PIP5K1C: variants seen among roughly 807,000 people sequenced by gnomAD.
PIP5K1C encodes the protein phosphatidylinositol-4-phosphate 5-kinase type 1 gamma.
In PIP5K1C, 45 loss-of-function variants were observed where a neutral mutation model predicts 80.1. The observed-to-expected ratio is 0.56, with a 90% CI of 0.44 to 0.72. The LOEUF (loss-of-function observed/expected upper bound fraction) is 0.72, where lower values mean the gene tolerates loss of function less well. Ranked by LOEUF, PIP5K1C falls within the 30% of genes least tolerant of loss-of-function variation. PIP5K1C has a pLI of 0.00. For synonymous variants in PIP5K1C, 498 were observed against 420.1 expected (o/e 1.19, Z -2.27); for missense variants, 753 against 954.6 (o/e 0.79, Z 2.78).
intron 8 of PIP5K1C, among the ~76,000 whole-genome samples, chr19:3,650,703 G>A: frequency 6.6e-6 from 1 of 152,226 alleles, no homozygotes; most frequent in Non-Finnish European, 1.5e-5. Flanking sequence ...ATGACTGCAG[G>A]CCACTGAGAT....
intron 1 of PIP5K1C, among the ~76,000 whole-genome samples, chr19:3,682,271 G>A (rs968959114): frequency 6.6e-6 from 1 of 151,854 alleles, no homozygotes; most frequent in Non-Finnish European, 1.5e-5. Context: ...CTACTCAGGA[G>A]GCTGAGGCAG....
chr19:3,647,450 C>T lies in PIP5K1C; in HGVS notation c.1212-64G>A, dbSNP rs1014045868. The T allele has an allele frequency of 2.2e-6, 3 of 1,368,108 alleles. No homozygotes were observed. In the Admixed American group the frequency reaches 5.9e-5, roughly 27 times the overall value. The allele number at this position is 1,368,108 out of a possible 1,614,324, so 84.7% of individuals were successfully genotyped here. A position where few individuals can be genotyped will look rare whatever the true frequency, so the allele number is the denominator to read the frequency against. On this transcript the variant is annotated intron_variant, in intron 9 of 17. Coordinates refer to ENST00000335312, the MANE Select transcript of PIP5K1C (RefSeq NM_012398.3). ...CAAGCCCATGCCAGGCCACCTCACTCAGGGGCCACTGTGCACCCCCCAGGA... is the reference window on the plus strand; with the variant it reads ...CAAGCCCATGCCAGGCCACCTCACTTAGGGGCCACTGTGCACCCCCCAGGA...
At chr19:3,659,399 A>G (rs2145477437) in intron 5 of PIP5K1C, among the ~76,000 whole-genome samples, 1 of 152,354 alleles carries the variant, frequency 6.6e-6, no homozygotes, top group East Asian at 1.9e-4. Flanking sequence ...AAGGCCCTGG[A>G]ATGCGATCTT....
rs907436544 is a variant in PIP5K1C at position 3,630,427 on chromosome 19, G to A, written c.*2740C>T. On this transcript the variant is annotated 3_prime_UTR_variant, in exon 18 of 18. Transcript: ENST00000335312. Reference sequence around the variant, plus strand: ...CCTGGGGGGAGTTAAGACACACGAGGTTTGCAGTTTCATTTTGTTTCAGAA... The same window carrying A: ...CCTGGGGGGAGTTAAGACACACGAGATTTGCAGTTTCATTTTGTTTCAGAA... 6.6e-6 allele frequency: 1 copy of A among 152,554 alleles called. No individual in the cohort carries two copies. The highest frequency in any genetic ancestry group is 6.5e-5 in the Admixed American group (1 of 15,268). 9.5% of individuals were successfully genotyped at this position (152,554 alleles called of 1,614,324 possible).
In PIP5K1C at chr19:3,664,805, A is replaced by G; in HGVS notation, c.219+17T>C. 6.3e-7 allele frequency: 1 copy of G among 1,599,378 alleles called. No homozygotes were observed. The highest frequency in any genetic ancestry group is 8.6e-7 in the Non-Finnish European group (1 of 1,167,506). ...TCTGTCCCGCTCCCTCCAGCCAGCT[A>G]AGGGGAGCCGAGGAACCTTCTTGTA... On this transcript the variant is annotated intron_variant, in intron 3 of 17. Transcript: ENST00000335312.
Position 3,637,092 on chromosome 19 carries a change from C to G in PIP5K1C, c.1920+1792G>C. 1 of 1,281,778 alleles carries G rather than the reference C, an allele frequency of 7.8e-7. No homozygotes were observed. Among genetic ancestry groups the G allele is most frequent in the African/African-American group, 1.5e-5 (1 of 65,300 alleles). 79.4% of individuals were successfully genotyped at this position (1,281,778 alleles called of 1,614,324 possible). On this transcript the variant is annotated intron_variant, in intron 16 of 17. Transcript: ENST00000335312. The surrounding 1 kb of genome is among the most constrained non-coding windows in gnomAD (Gnocchi z 7.0). ...CTCCATGGCCCTGCGGTTCAGAGCC[C>G]GGCCCTGCAGCCACTCTGCTGACCT...
In PIP5K1C at chr19:3,642,422, CCT is replaced by C. The variant is rs542839486; in HGVS notation, c.1682+483_1682+484del. 7.4e-4 allele frequency among the ~76,000 whole-genome samples: 112 copies of C among 152,322 alleles called. 1 individual carries two copies. The highest frequency in any genetic ancestry group is 3.4e-3 in the Middle Eastern group (1 of 294). On this transcript the variant is annotated intron_variant, in intron 14 of 17. Coordinates refer to ENST00000335312, the MANE Select transcript of PIP5K1C (RefSeq NM_012398.3). ...GTGACAGGAACGGCGCGCACCCACC[CCT>C]GAGATCCCCGTCAGTCGAGTGACAA...
intron 15 of PIP5K1C, among the ~76,000 whole-genome samples, chr19:3,639,513 C>A (rs2033870446): frequency 6.6e-6 from 1 of 152,330 alleles, no homozygotes. Flanking sequence ...CTCACTACAG[C>A]CTCCACCGCC....
intron 16 of PIP5K1C, chr19:3,636,615 T>G: frequency 5.1e-6 from 5 of 985,616 alleles, no homozygotes; most frequent in Non-Finnish European, 6.0e-6. Flanking sequence ...GGGCACGGCT[T>G]CGCGGTGGCT....
In PIP5K1C at chr19:3,700,397, G is replaced by C; in HGVS notation, c.-7C>G. The C allele has an allele frequency of 3.6e-6, 4 of 1,125,142 alleles. No homozygotes were observed. Among genetic ancestry groups the C allele is most frequent in the Non-Finnish European group, 4.4e-6 (4 of 916,838 alleles). The allele number at this position is 1,125,142 out of a possible 1,614,324, so 69.7% of individuals were successfully genotyped here. A position where few individuals can be genotyped will look rare whatever the true frequency, so the allele number is the denominator to read the frequency against. On this transcript the variant is annotated 5_prime_UTR_variant, in exon 1 of 18. Coordinates refer to ENST00000335312, the MANE Select transcript of PIP5K1C (RefSeq NM_012398.3). The stretch of plus-strand genomic sequence containing the variant: ...CCGGTACCTCCAGCTCCATGGCCGC[G>C]CGCGGACGGCGGCGGGGGCGCCCGA...
chr19:3,700,447 C>A lies in PIP5K1C; in HGVS notation c.-57G>T. ...AGGGGGACCCGAGCTGCGACCGCCG[C>A]CGCCGAACAACAAGCGCCGCCGGCC... On this transcript the variant is annotated 5_prime_UTR_variant, in exon 1 of 18. Coordinates refer to ENST00000335312, the MANE Select transcript of PIP5K1C (RefSeq NM_012398.3). 1.0e-6 allele frequency: 1 copy of A among 954,886 alleles called. No homozygotes were observed. The highest frequency in any genetic ancestry group is 1.3e-6 in the Non-Finnish European group (1 of 792,968). 59.2% of individuals were successfully genotyped at this position (954,886 alleles called of 1,614,324 possible).
Position 3,653,408 on chromosome 19 carries a change from T to C in PIP5K1C, c.803A>G (p.Lys268Arg), listed in dbSNP as rs1193506010. The change falls in exon 7 of 18, where the codon AAG becomes AGG. Residue 268 changes from lysine to arginine, a missense_variant. Coordinates refer to ENST00000335312, the MANE Select transcript of PIP5K1C (RefSeq NM_012398.3). ...CTTGTAGGTGGGGAAGCTCTTCTCC[T>C]TCTCCTTCTTGCTGGCGCGCCGCTT... ...TYKRRASKKEKEKSFPTYKDL... is the reference protein window; with the variant it reads ...TYKRRASKKEREKSFPTYKDL... 4 of 1,613,324 alleles carry C rather than the reference T, an allele frequency of 2.5e-6. No homozygotes were observed. In the South Asian group the frequency reaches 3.3e-5, roughly 13 times the overall value.
rs376029185 is a variant in PIP5K1C at position 3,643,389 on chromosome 19, G to T, written c.1511-8C>A. On this transcript the variant is annotated splice_polypyrimidine_tract_variant and splice_region_variant and intron_variant, in intron 12 of 17. Coordinates refer to ENST00000335312, the MANE Select transcript of PIP5K1C (RefSeq NM_012398.3). The stretch of plus-strand genomic sequence containing the variant: ...GCAGGAGGTCGGGCCGGCCTGAGGG[G>T]AGAGGACTGTGGGCACCTTGCGGAG... 3 of 1,613,188 alleles carry T rather than the reference G, an allele frequency of 1.9e-6. No homozygotes were observed. The highest frequency in any genetic ancestry group is 1.7e-6 in the Non-Finnish European group (2 of 1,179,882).
At chr19:3,668,146 C>G (rs2035076037) in intron 1 of PIP5K1C, among the ~76,000 whole-genome samples, 2 of 152,186 alleles carry the variant, frequency 1.3e-5, no homozygotes, top group South Asian at 4.1e-4. Flanking sequence ...GCCAACGAGC[C>G]CAGGCCTGGG....
Position 3,661,948 on chromosome 19 carries a change from C to T in PIP5K1C, c.273G>A (p.Val91=). 6.2e-7 allele frequency: 1 copy of T among 1,611,250 alleles called. No individual in the cohort carries two copies. Residue 91 remains valine, a synonymous_variant, in exon 4 of 18, where the codon GTG becomes GTA. Transcript: ENST00000335312. ...GAIQLGIGYT[V]GHLSSKPERD... is the part of the protein sequence containing the mutation. ...GTTCGGGCTTGGAGCTCAGGTGGCC[C>T]ACGGTGTAGCCGATGCCCAGCTGGA...
At chr19:3,676,031 C>T (rs576669943) in intron 1 of PIP5K1C, among the ~76,000 whole-genome samples, 8 of 152,208 alleles carry the variant, frequency 5.3e-5, no homozygotes, top group Non-Finnish European at 1.2e-4. Flanking sequence ...ACACAGGATC[C>T]CACCCAGCCT....
intron 16 of PIP5K1C, chr19:3,636,633 C>G: frequency 1.0e-6 from 1 of 985,710 alleles, no homozygotes; most frequent in Non-Finnish European, 1.2e-6. Context: ...GCTGGCTTCC[C>G]GCTGGCTCCG....
chr19:3,695,241 G>C (rs2036066069), intron 1 of PIP5K1C, among the ~76,000 whole-genome samples: 1 of 152,176 alleles, frequency 6.6e-6, no homozygotes, highest in Non-Finnish European at 1.5e-5. Flanking sequence ...GAGCCCAGGA[G>C]TGGAACTCAC....
chr19:3,662,340 C>T (rs2034861009), intron 3 of PIP5K1C, among the ~76,000 whole-genome samples: 1 of 152,198 alleles, frequency 6.6e-6, no homozygotes, highest in Non-Finnish European at 1.5e-5. Context: ...AGGGTCGATT[C>T]ACTGTCAAGA....
Sources: gnomAD v4.1 joint callset for allele counts (sites outside exome capture counted in the v4.1 genomes callset) on GRCh38, gnomAD v4.1.1 for gene constraint, Gnocchi (gnomAD v3.1) non-coding constraint, MANE v1.5 for transcripts, NCBI Gene and HGNC (gene_info 2026-07-23, HGNC 2026-07-21) for gene names.